Variants in PARVA observed in about 807,000 individuals in gnomAD.
PARVA encodes alpha-parvin.
PARVA carries 25 observed loss-of-function variants against 52.6 expected under a neutral mutation model. The observed-to-expected ratio is 0.48, with a 90% confidence interval of 0.35 to 0.66. The LOEUF (loss-of-function observed/expected upper bound fraction) is 0.66, where lower values mean the gene tolerates loss of function less well. Among genes scored for constraint, PARVA ranks in the 30% least tolerant of loss-of-function variants. PARVA has a pLI of 0.01. For missense variants in PARVA, 373 were observed against 450.9 expected (o/e 0.83, Z 1.56); for synonymous variants, 185 against 179.1 (o/e 1.03, Z -0.26).
At chr11:12,421,766 C>A (rs1940153472) in intron 1 of PARVA, among the ~76,000 whole-genome samples, 1 of 152,230 alleles carries the variant, frequency 6.6e-6, no homozygotes, top group Non-Finnish European at 1.5e-5. Context: ...TTTGTACACT[C>A]CATTCCTTAA....
intron 12 of PARVA, among the ~76,000 whole-genome samples, chr11:12,519,191 C>T (rs946965991): frequency 6.6e-6 from 1 of 152,212 alleles, no homozygotes; most frequent in African/African-American, 2.4e-5. Flanking sequence ...CAGATAATCT[C>T]CTGCATATGT....
At chr11:12,519,719 A>G (rs968122146) in intron 12 of PARVA, among the ~76,000 whole-genome samples, 2 of 152,174 alleles carry the variant, frequency 1.3e-5, no homozygotes, top group Non-Finnish European at 2.9e-5. Context: ...ACCCTGTCTC[A>G]TGACTCCTTC....
In PARVA at chr11:12,430,483, G is replaced by T. The variant is rs549776076; in HGVS notation, c.137-43262G>T. Among the ~76,000 whole-genome samples the T allele has an allele frequency of 1.1e-3, 164 of 152,124 alleles. 1 individual carries two copies. The highest frequency in any genetic ancestry group is 3.7e-3 in the African/African-American group (153 of 41,476). On this transcript the variant is annotated intron_variant, in intron 1 of 12. Transcript: ENST00000334956. ...GTGAGTGAGTACCTTTCGTCACCTT[G>T]CCCCTCCTGGACACACAGGTCTTTG...
At chr11:12,433,999 TAAG>T (rs1412725406) in intron 1 of PARVA, among the ~76,000 whole-genome samples, 2 of 152,042 alleles carry the variant, frequency 1.3e-5, no homozygotes, top group Non-Finnish European at 1.5e-5. Flanking sequence ...CAGATAAAAA[TAAG>T]GAGAAAAATG....
At chr11:12,506,370 CTCTTT>C (rs1257593976) in intron 6 of PARVA, among the ~76,000 whole-genome samples, 1 of 152,192 alleles carries the variant, frequency 6.6e-6, no homozygotes, top group Non-Finnish European at 1.5e-5. Flanking sequence ...TCTTTATCTT[CTCTTT>C]TGTGACAAAT....
chr11:12,415,357 CAG>C (rs1157251329), intron 1 of PARVA, among the ~76,000 whole-genome samples: 1 of 152,150 alleles, frequency 6.6e-6, no homozygotes, highest in Non-Finnish European at 1.5e-5. Flanking sequence ...TTTTGTAAAT[CAG>C]AGGAGAAAGC....
In PARVA at chr11:12,514,003, A is replaced by G. The variant is rs1360033127; in HGVS notation, c.805A>G (p.Ile269Val). 1.2e-6 allele frequency: 2 copies of G among 1,613,938 alleles called. No homozygotes were observed. Among genetic ancestry groups the G allele is most frequent in the South Asian group, 1.1e-5 (1 of 91,082 alleles). The change falls in exon 10 of 13, where the codon ATC (isoleucine) becomes GTC (valine). Residue 269 changes from isoleucine (I) to valine (V), a missense_variant. Physicochemically the swap from Ile to Val is conservative, Grantham distance 29. Transcript: ENST00000334956. ...DKLNVVKKTLITFVNKHLNKL... is the reference protein window; with the variant it reads ...DKLNVVKKTLVTFVNKHLNKL... ...TGCTTTGCTTCTCTTTTAGACACTCATCACTTTCGTGAACAAGCACCTGAA... is the reference window on the plus strand; with the variant it reads ...TGCTTTGCTTCTCTTTTAGACACTCGTCACTTTCGTGAACAAGCACCTGAA...
At chr11:12,527,794 G>A in intron 12 of PARVA, 55 bp from the exon 13 acceptor site, 1 of 1,378,966 alleles carries the variant, frequency 7.3e-7, no homozygotes, top group South Asian at 1.2e-5. Context: ...GTGTATGCCA[G>A]CTTTGGAACA....
chr11:12,433,101 C>G (rs1223918156), intron 1 of PARVA, among the ~76,000 whole-genome samples: 1 of 152,220 alleles, frequency 6.6e-6, no homozygotes, highest in Non-Finnish European at 1.5e-5. Flanking sequence ...ACCCGAACCT[C>G]TAGGTCAAAT....
At position 12,514,011 on chromosome 11, in the gene PARVA, C is replaced by G. The variant is rs369286112; in HGVS notation, c.813C>G (p.Phe271Leu). ...LNVVKKTLIT[F>L]VNKHLNKLNL... Reference sequence around the variant, plus strand: ...TTCTCTTTTAGACACTCATCACTTTCGTGAACAAGCACCTGAATAAACTGA... The same window carrying G: ...TTCTCTTTTAGACACTCATCACTTTGGTGAACAAGCACCTGAATAAACTGA... Residue 271 changes from phenylalanine (F) to leucine (L), a missense_variant, in exon 10 of 13, where the codon TTC becomes TTG. Phe to Leu is a conservative substitution (Grantham distance 22, BLOSUM62 0). Coordinates refer to ENST00000334956, the MANE Select transcript of PARVA (RefSeq NM_018222.5). The G allele has an allele frequency of 1.2e-6, 2 of 1,613,878 alleles. No homozygotes were observed.
At chr11:12,522,318 C>T (rs546949841) in intron 12 of PARVA, among the ~76,000 whole-genome samples, 1 of 152,082 alleles carries the variant, frequency 6.6e-6, no homozygotes, top group Admixed American at 6.5e-5. Context: ...AGTGACTATT[C>T]TCTGCAAAAA....
At chr11:12,416,992 C>T (rs1318608884) in intron 1 of PARVA, among the ~76,000 whole-genome samples, 1 of 152,138 alleles carries the variant, frequency 6.6e-6, no homozygotes, top group Non-Finnish European at 1.5e-5. Flanking sequence ...TTAAATGCCC[C>T]TGAGTCACTT....
Position 12,530,326 on chromosome 11 carries a change from T to C in PARVA, c.*2401T>C. 6.6e-6 allele frequency: 1 copy of C among 152,120 alleles called. No homozygotes were observed. Among genetic ancestry groups the C allele is most frequent in the Non-Finnish European group, 1.5e-5 (1 of 68,040 alleles). 9.4% of individuals were successfully genotyped at this position (152,120 alleles called of 1,614,324 possible). A position where few individuals can be genotyped will look rare whatever the true frequency, so the allele number is the denominator to read the frequency against. Reference sequence around the variant, plus strand: ...GAATCTCCTACTTAATATATGACCATGACTTTGAAAGGCAAAAGAGGAATC... The same window carrying C: ...GAATCTCCTACTTAATATATGACCACGACTTTGAAAGGCAAAAGAGGAATC... On this transcript the variant is annotated 3_prime_UTR_variant, in exon 13 of 13. Coordinates refer to ENST00000334956, the MANE Select transcript of PARVA (RefSeq NM_018222.5).
At chr11:12,518,545 C>A (rs370835317) in intron 12 of PARVA, 28 bp downstream of exon 12, 203 of 1,539,360 alleles carry the variant, frequency 1.3e-4, no homozygotes, top group Non-Finnish European at 1.8e-4. Context: ...GGGTTTGTGA[C>A]AACAGAGTGA....
intron 4 of PARVA, chr11:12,478,789 C>T (rs945103573): frequency 6.6e-6 from 1 of 152,546 alleles, no homozygotes; most frequent in South Asian, 2.1e-4. Context: ...AACTTCCAAA[C>T]TCACTTCTTT....
At chr11:12,443,263 C>A (rs2135006227) in intron 1 of PARVA, among the ~76,000 whole-genome samples, 1 of 147,244 alleles carries the variant, frequency 6.8e-6, no homozygotes, top group African/African-American at 2.5e-5. Context: ...CCTTCGCATC[C>A]CGGGTTGAAG....
intron 1 of PARVA, among the ~76,000 whole-genome samples, chr11:12,421,615 G>T (rs1336665837): frequency 6.6e-6 from 1 of 152,164 alleles, no homozygotes; most frequent in Non-Finnish European, 1.5e-5. Flanking sequence ...CGTGCTCTGT[G>T]GACAGATCAG....
intron 6 of PARVA, among the ~76,000 whole-genome samples, chr11:12,506,795 G>T (rs1941436302): frequency 6.6e-6 from 1 of 152,244 alleles, no homozygotes; most frequent in African/African-American, 2.4e-5. Flanking sequence ...CTGAACCACA[G>T]GGAGAACTCT....
intron 1 of PARVA, among the ~76,000 whole-genome samples, chr11:12,397,802 A>G (rs1433378833): frequency 7.0e-6 from 1 of 141,848 alleles, no homozygotes; most frequent in Admixed American, 7.0e-5. Flanking sequence ...CCCTGCCCCC[A>G]TTTTCTGGGG....
Sources: gnomAD v4.1 joint callset for allele counts (sites outside exome capture counted in the v4.1 genomes callset) on GRCh38, gnomAD v4.1.1 for gene constraint, MANE v1.5 for transcripts, NCBI Gene and HGNC (gene_info 2026-07-23, HGNC 2026-07-21) for gene names.